The following RNF216 variants were observed in gnomAD, a reference collection of about 807,000 sequenced individuals.
RNF216 encodes the protein E3 ubiquitin-protein ligase RNF216.
Under a neutral mutation model 110.8 loss-of-function variants are expected in RNF216, and 72 were observed. That is an observed-to-expected ratio of 0.65 (90% confidence interval 0.54 to 0.79). The LOEUF is 0.79. Ranked by LOEUF, RNF216 falls within the 30% of genes least tolerant of loss-of-function variation. The pLI is 0.00. For synonymous variants in RNF216, 495 were observed against 407.5 expected, an observed-to-expected ratio of 1.21 and a Z score of -2.59; for missense variants, 1,342 against 1,141.2, an observed-to-expected ratio of 1.18 and a Z score of -2.54.
At chr7:5,641,402 G>A (rs935331967) in intron 14 of RNF216, 26 bp from the exon 15 acceptor site, 7 of 1,589,202 alleles carry the variant, frequency 4.4e-6, no homozygotes, top group Non-Finnish European at 6.0e-6. Context: ...ATAATTTGGA[G>A]CTGGGAGGGA....
At chr7:5,768,929 G>A (rs954933736) in intron 1 of RNF216, among the ~76,000 whole-genome samples, 5 of 151,884 alleles carry the variant, frequency 3.3e-5, no homozygotes, top group Non-Finnish European at 7.4e-5. Context: ...CCAAAGTGCT[G>A]GGATTACAGG....
intron 14 of RNF216, among the ~76,000 whole-genome samples, chr7:5,649,075 G>A (rs1788223937): frequency 6.6e-6 from 1 of 152,148 alleles, no homozygotes; most frequent in African/African-American, 2.4e-5. Context: ...CACTATAGCA[G>A]TTTAAAAACA....
chr7:5,775,899 A>G (rs1049937603), intron 1 of RNF216, among the ~76,000 whole-genome samples: 2 of 151,924 alleles, frequency 1.3e-5, no homozygotes, highest in African/African-American at 2.4e-5. Context: ...GGCAAAGCAG[A>G]GCTAGGCACA....
chr7:5,731,103 C>A (rs1385866535), intron 5 of RNF216, among the ~76,000 whole-genome samples: 3 of 152,200 alleles, frequency 2.0e-5, no homozygotes, highest in African/African-American at 7.2e-5. Context: ...AATGAAGTCA[C>A]TGAAACTATT....
chr7:5,748,458 C>T (rs764550112), intron 3 of RNF216, among the ~76,000 whole-genome samples: 3 of 152,190 alleles, frequency 2.0e-5, no homozygotes, highest in Non-Finnish European at 2.9e-5. Context: ...CGGGGTTTCA[C>T]CATCTTGGCC....
intron 1 of RNF216, among the ~76,000 whole-genome samples, chr7:5,773,108 T>C (rs1448791490): frequency 6.6e-6 from 1 of 152,078 alleles, no homozygotes; most frequent in Non-Finnish European, 1.5e-5. Context: ...AAAACTGACA[T>C]ATATCAGCGT....
chr7:5,686,607 A>C (rs1003039430), intron 13 of RNF216, among the ~76,000 whole-genome samples: 1 of 152,216 alleles, frequency 6.6e-6, no homozygotes, highest in Non-Finnish European at 1.5e-5. Flanking sequence ...GCTCACTTAG[A>C]ACTGCACTTG....
intron 15 of RNF216, among the ~76,000 whole-genome samples, chr7:5,630,345 T>C (rs1386207361): frequency 6.6e-6 from 1 of 152,008 alleles, no homozygotes; most frequent in Non-Finnish European, 1.5e-5. Context: ...CCCACTCCTT[T>C]CCAAAACAGG....
At position 5,760,786 on chromosome 7, in the gene RNF216, T is replaced by C. The variant is rs572014960; in HGVS notation, c.67+217A>G. Among the ~76,000 whole-genome samples, 51 of 152,356 alleles carry C rather than the reference T, an allele frequency of 3.3e-4. 1 individual carries two copies. Among genetic ancestry groups the C allele is most frequent in the South Asian group, 2.7e-3 (13 of 4,830 alleles). On this transcript the variant is annotated intron_variant, in intron 2 of 16. Coordinates refer to ENST00000389902, the MANE Select transcript of RNF216 (RefSeq NM_207111.4). ...TAACAGCGTCTTGCCAGCAAATTAA[T>C]AGCTTATTAATCCATTTGTAATGAA...
At chr7:5,717,623 T>C (rs1022741409) in intron 9 of RNF216, among the ~76,000 whole-genome samples, 3 of 152,040 alleles carry the variant, frequency 2.0e-5, no homozygotes, top group Admixed American at 6.6e-5. Context: ...CATCCATCAA[T>C]AGGGGAATGA....
chr7:5,766,390 C>T (rs940232206), intron 1 of RNF216, among the ~76,000 whole-genome samples: 8 of 152,154 alleles, frequency 5.3e-5, no homozygotes, highest in African/African-American at 1.9e-4. Flanking sequence ...TATATTGAAG[C>T]TCTGACCTCC....
Position 5,780,651 on chromosome 7 carries a change from G to A in RNF216, c.-70+890C>T, listed in dbSNP as rs918306846. Among the ~76,000 whole-genome samples, 3 of 152,170 alleles carry A rather than the reference G, an allele frequency of 2.0e-5. No homozygotes were observed. In the East Asian group the frequency reaches 5.8e-4, roughly 29 times the overall value. On this transcript the variant is annotated intron_variant, in intron 1 of 16. Coordinates refer to ENST00000389902, the MANE Select transcript of RNF216 (RefSeq NM_207111.4). ...ATCCGGGAGGCAGAGCTTGCAGTGA[G>A]CCGGGATCGCGCCACTGCACTCCAG...
At chr7:5,668,696 A>C (rs1192222432) in intron 13 of RNF216, among the ~76,000 whole-genome samples, 1 of 152,168 alleles carries the variant, frequency 6.6e-6, no homozygotes, top group African/African-American at 2.4e-5. Flanking sequence ...CCCAGAGTGG[A>C]GGGCTCAGAA....
intron 10 of RNF216, 107 bp downstream of exon 10, chr7:5,716,609 G>A (rs1793081315): frequency 1.2e-6 from 1 of 807,468 alleles, no homozygotes; most frequent in African/African-American, 1.7e-5. Flanking sequence ...TCACCAAACA[G>A]GAGGTTATCC....
At chr7:5,683,473 C>T (rs548208039) in intron 13 of RNF216, among the ~76,000 whole-genome samples, 50 of 152,210 alleles carry the variant, frequency 3.3e-4, no homozygotes, top group African/African-American at 1.2e-3. Flanking sequence ...AGGTGGGTCC[C>T]GTATCACCCC....
At chr7:5,714,501 G>C (rs56364996) in intron 11 of RNF216, among the ~76,000 whole-genome samples, 1 of 150,208 alleles carries the variant, frequency 6.7e-6, no homozygotes, top group Admixed American at 6.6e-5. Flanking sequence ...CAGGTGATCC[G>C]CCTACCTCGG....
chr7:5,640,659 T>C (rs1787680777), intron 15 of RNF216, among the ~76,000 whole-genome samples: 1 of 152,232 alleles, frequency 6.6e-6, no homozygotes, highest in Non-Finnish European at 1.5e-5. Flanking sequence ...TATAATGATT[T>C]ACGTTAATAG....
intron 13 of RNF216, among the ~76,000 whole-genome samples, chr7:5,690,857 AAC>A (rs1244558743): frequency 2.0e-5 from 3 of 152,158 alleles, no homozygotes; most frequent in Middle Eastern, 6.3e-3. Flanking sequence ...GACACTTAAT[AAC>A]ACATACGCAC....
chr7:5,626,780 C>T (rs537964276), intron 15 of RNF216, among the ~76,000 whole-genome samples: 2 of 152,270 alleles, frequency 1.3e-5, no homozygotes, highest in Non-Finnish European at 2.9e-5. Flanking sequence ...AGTATCCCTG[C>T]GTCCAGGAAG....
Sources: allele counts gnomAD v4.1 joint callset (sites outside exome capture counted in the v4.1 genomes callset), GRCh38; gene constraint gnomAD v4.1.1; transcripts MANE v1.5; gene names NCBI Gene and HGNC (gene_info 2026-07-23, HGNC 2026-07-21).